The following PEX14 variants were observed in gnomAD, a reference collection of about 807,000 sequenced individuals.
PEX14 encodes peroxisomal membrane protein PEX14.
PEX14 carries 15 observed loss-of-function variants against 49.5 expected under a neutral mutation model. The ratio of observed to expected loss-of-function variants is 0.30; its 90% CI spans 0.20 to 0.47. PEX14 has a LOEUF of 0.47. Among genes scored for constraint, PEX14 ranks in the 20% least tolerant of loss-of-function variants. The pLI is 1.00. For missense variants in PEX14, 398 were observed against 494.8 expected, an observed-to-expected ratio of 0.80 and a Z score of 1.86; for synonymous variants, 210 against 212.7, an observed-to-expected ratio of 0.99 and a Z score of 0.11.
intron 1 of PEX14, among the ~76,000 whole-genome samples, chr1:10,490,700 C>CTT (rs34914348): frequency 2.4e-4 from 32 of 132,574 alleles, no homozygotes; most frequent in Middle Eastern, 4.0e-3. Context: ...GTTTCTAAGC[C>CTT]TTTTTTTTTT....
intron 3 of PEX14, among the ~76,000 whole-genome samples, chr1:10,542,399 C>T (rs1639042452): frequency 1.3e-5 from 2 of 152,170 alleles, no homozygotes; most frequent in South Asian, 4.1e-4. Flanking sequence ...CACATCGATA[C>T]ATACTGACTT....
rs927630322 is a variant in PEX14 at position 10,628,406 on chromosome 1, G to A, written c.677+1043G>A. On this transcript the variant is annotated intron_variant, in intron 8 of 8. Coordinates refer to ENST00000356607, the MANE Select transcript of PEX14 (RefSeq NM_004565.3). The surrounding 1 kb of genome is among the most constrained non-coding windows in gnomAD (Gnocchi z 4.5). ...CTGGGTGAGTGGGAGGGTGCAGGTG[G>A]GCTTTTCACTAGGGTCCAGGATGGG... 2.1e-4 allele frequency among the ~76,000 whole-genome samples: 32 copies of A among 152,232 alleles called. No homozygotes were observed. The highest frequency in any genetic ancestry group is 7.7e-4 in the African/African-American group (32 of 41,456).
At chr1:10,488,077 G>A (rs1366214443) in intron 1 of PEX14, among the ~76,000 whole-genome samples, 5 of 152,036 alleles carry the variant, frequency 3.3e-5, no homozygotes, top group Non-Finnish European at 7.4e-5. Context: ...CACTGTGCCT[G>A]GCCTATTACT....
At chr1:10,528,150 G>T in intron 2 of PEX14, 1 of 165,876 alleles carries the variant, frequency 6.0e-6, no homozygotes, top group Non-Finnish European at 1.2e-5. Context: ...CCAGCTGGTG[G>T]TCACCTATTC....
In PEX14 at chr1:10,620,513, C is replaced by T. The variant is rs909848051; in HGVS notation, c.384+2096C>T. Among the ~76,000 whole-genome samples the T allele has an allele frequency of 7.9e-5, 12 of 151,748 alleles. No individual in the cohort carries two copies. In the East Asian group the frequency reaches 2.1e-3, roughly 27 times the overall value. On this transcript the variant is annotated intron_variant, in intron 5 of 8. Transcript: ENST00000356607. Reference sequence around the variant, plus strand: ...AATTTAAAAAACAAAATAAGCCAGGCGCAGTGGCTCATGCCTGTAATCCCA... The same window carrying T: ...AATTTAAAAAACAAAATAAGCCAGGTGCAGTGGCTCATGCCTGTAATCCCA...
chr1:10,486,028 G>A (rs1449482249), intron 1 of PEX14, among the ~76,000 whole-genome samples: 1 of 152,054 alleles, frequency 6.6e-6, no homozygotes, highest in Non-Finnish European at 1.5e-5. Context: ...AAAGTGCTGG[G>A]ATTACAGGTG....
intron 3 of PEX14, among the ~76,000 whole-genome samples, chr1:10,555,078 C>A (rs148179621): frequency 1.3e-5 from 2 of 152,068 alleles, no homozygotes; most frequent in Admixed American, 6.6e-5. Flanking sequence ...CTGGCCATCG[C>A]GGGAACACAT....
At chr1:10,625,722 A>G (rs927129800) in intron 7 of PEX14, among the ~76,000 whole-genome samples, 1 of 152,230 alleles carries the variant, frequency 6.6e-6, no homozygotes, top group African/African-American at 2.4e-5. Context: ...TTTTGGATCC[A>G]TGCTCTGCCT....
intron 3 of PEX14, among the ~76,000 whole-genome samples, chr1:10,553,214 A>G (rs562941281): frequency 2.0e-5 from 3 of 152,348 alleles, no homozygotes; most frequent in Admixed American, 2.0e-4. Flanking sequence ...AGGAAGCAGA[A>G]TCTCCTGGGA....
intron 3 of PEX14, among the ~76,000 whole-genome samples, chr1:10,537,654 C>A (rs1396443709): frequency 6.6e-6 from 1 of 152,054 alleles, no homozygotes; most frequent in Admixed American, 6.5e-5. Context: ...CCGACAATGA[C>A]CAGTTAGTCC....
At chr1:10,488,404 G>A (rs569194565) in intron 1 of PEX14, among the ~76,000 whole-genome samples, 1 of 152,250 alleles carries the variant, frequency 6.6e-6, no homozygotes, top group African/African-American at 2.4e-5. Context: ...CGATCCACCC[G>A]CCTTGGCCTC....
intron 1 of PEX14, among the ~76,000 whole-genome samples, chr1:10,487,426 C>G (rs187990496): frequency 6.8e-6 from 1 of 147,008 alleles, no homozygotes; most frequent in South Asian, 2.1e-4. Flanking sequence ...GCCATCTGGA[C>G]GTAGAGTTTT....
At chr1:10,538,964 T>A (rs968683607) in intron 3 of PEX14, among the ~76,000 whole-genome samples, 2 of 152,244 alleles carry the variant, frequency 1.3e-5, no homozygotes, top group Admixed American at 1.3e-4. Flanking sequence ...TTCTTTTTTT[T>A]AATAAACATC....
At position 10,613,857 on chromosome 1, in the gene PEX14, C is replaced by A. The variant is rs984620733; in HGVS notation, c.299-4475C>A. ...GCCTTGTCTGCATGGCAGGCCAGTCCCTGCTTCCAGAGTGGAGACTCGAAG... is the reference window on the plus strand; with the variant it reads ...GCCTTGTCTGCATGGCAGGCCAGTCACTGCTTCCAGAGTGGAGACTCGAAG... On this transcript the variant is annotated intron_variant, in intron 4 of 8. Transcript: ENST00000356607. This position sits in a 1 kb window ranked among gnomAD's most constrained non-coding sequence, Gnocchi z 5.0. 6.6e-6 allele frequency among the ~76,000 whole-genome samples: 1 copy of A among 152,328 alleles called. No homozygotes were observed. Among genetic ancestry groups the A allele is most frequent in the Middle Eastern group, 3.4e-3 (1 of 294 alleles).
chr1:10,523,876 A>G (rs1046203850), intron 2 of PEX14, among the ~76,000 whole-genome samples: 1 of 152,030 alleles, frequency 6.6e-6, no homozygotes, highest in African/African-American at 2.4e-5. Context: ...TTGAGGAACC[A>G]AAAGTCTAGA....
At chr1:10,477,195 C>G (rs558576189) in intron 1 of PEX14, among the ~76,000 whole-genome samples, 24 of 152,128 alleles carry the variant, frequency 1.6e-4, no homozygotes, top group African/African-American at 5.8e-4. Context: ...CTCAGCCTCC[C>G]TAGTAGCTGG....
rs1451866714 is a variant in PEX14, at chr1:10,623,512, G to A, written c.487+391G>A. On this transcript the variant is annotated intron_variant, in intron 6 of 8. Coordinates refer to ENST00000356607, the MANE Select transcript of PEX14 (RefSeq NM_004565.3). This position sits in a 1 kb window ranked among gnomAD's most constrained non-coding sequence, Gnocchi z 4.4. ...GGGGTCAAGAGAGTCTGTAATTACTGTGGCTCCCGGGACCCCAGCCACCTC... is the reference window on the plus strand; with the variant it reads ...GGGGTCAAGAGAGTCTGTAATTACTATGGCTCCCGGGACCCCAGCCACCTC... Among the ~76,000 whole-genome samples, 1 of 152,080 alleles carries A rather than the reference G, an allele frequency of 6.6e-6. No individual in the cohort carries two copies. The highest frequency in any genetic ancestry group is 1.5e-5 in the Non-Finnish European group (1 of 68,024).
chr1:10,614,580 G>A lies in PEX14; in HGVS notation c.299-3752G>A, dbSNP rs17035458. Among the ~76,000 whole-genome samples the A allele has an allele frequency of 7.3e-3, 1,105 of 152,312 alleles. 15 individuals carry two copies. Among genetic ancestry groups the A allele is most frequent in the African/African-American group, 0.025 (1,021 of 41,576 alleles). ...CAGAGAAGGCTGTCCTTCTCATGGC[G>A]GGATGTTTGCGGGTGAGCAGAGGAA... On this transcript the variant is annotated intron_variant, in intron 4 of 8. Coordinates refer to ENST00000356607, the MANE Select transcript of PEX14 (RefSeq NM_004565.3).
chr1:10,613,078 G>A lies in PEX14; in HGVS notation c.299-5254G>A, dbSNP rs558807481. 6.6e-6 allele frequency among the ~76,000 whole-genome samples: 1 copy of A among 152,330 alleles called. No homozygotes were observed. The highest frequency in any genetic ancestry group is 2.4e-5 in the African/African-American group (1 of 41,564). ...TGACAGCTCTCAGCTCTGTGTTGCC[G>A]ATGAACCTTTACTGGATTGCAGGAT... is the stretch of plus-strand genomic sequence containing the variant. On this transcript the variant is annotated intron_variant, in intron 4 of 8. Transcript: ENST00000356607. This position sits in a 1 kb window ranked among gnomAD's most constrained non-coding sequence, Gnocchi z 5.0.
Sources: gnomAD v4.1 joint callset for allele counts (sites outside exome capture counted in the v4.1 genomes callset) on GRCh38, gnomAD v4.1.1 for gene constraint, Gnocchi (gnomAD v3.1) non-coding constraint, MANE v1.5 for transcripts, NCBI Gene and HGNC (gene_info 2026-07-23, HGNC 2026-07-21) for gene names.